ARID1B: variants seen among roughly 807,000 people sequenced by gnomAD.
ARID1B encodes AT-rich interaction domain 1B.
Under a neutral mutation model 212.3 loss-of-function variants are expected in ARID1B, and 30 were observed. That is an observed-to-expected ratio of 0.14 (90% CI 0.11 to 0.19). ARID1B has a LOEUF of 0.19. ARID1B is among the 10% of genes least tolerant of loss of function. ARID1B has a pLI of 1.00. For synonymous variants in ARID1B, 1,402 were observed against 1,301.7 expected (o/e 1.08, Z -1.66); for missense variants, 2,891 against 3,204.0 (o/e 0.90, Z 2.36).
chr6:157,081,993 G>A (rs930535698), intron 4 of ARID1B, among the ~76,000 whole-genome samples: 4 of 151,864 alleles, frequency 2.6e-5, no homozygotes, highest in Admixed American at 6.6e-5. Context: ...TCTGACTGCC[G>A]CTTGTTTATT....
chr6:157,045,877 T>G (rs1782203777), intron 4 of ARID1B, among the ~76,000 whole-genome samples: 1 of 152,130 alleles, frequency 6.6e-6, no homozygotes, highest in Non-Finnish European at 1.5e-5. Flanking sequence ...AAAAATTTAC[T>G]GTTTCCGCTA....
chr6:157,063,719 A>T (rs561977099), intron 4 of ARID1B, among the ~76,000 whole-genome samples: 2 of 152,312 alleles, frequency 1.3e-5, no homozygotes, highest in South Asian at 4.1e-4. Context: ...CAGTGGGTAA[A>T]CCTGACAATC....
At chr6:157,005,924 G>C (rs980081721) in intron 4 of ARID1B, among the ~76,000 whole-genome samples, 1 of 152,108 alleles carries the variant, frequency 6.6e-6, no homozygotes, top group African/African-American at 2.4e-5. Context: ...CTTTGGAAAT[G>C]TATGCCATAG....
In ARID1B at chr6:156,982,312, C is replaced by A. The variant is rs117654067; in HGVS notation, c.2247+46736C>A. 6.3e-3 allele frequency among the ~76,000 whole-genome samples: 964 copies of A among 152,130 alleles called. 3 individuals are homozygous for A. Among genetic ancestry groups the A allele is most frequent in the Non-Finnish European group, 9.8e-3 (668 of 68,002 alleles). On this transcript the variant is annotated intron_variant, in intron 4 of 19. Transcript: ENST00000636930. The stretch of plus-strand genomic sequence containing the variant: ...TACTGCTTTCTGATGTTTCCTGTTG[C>A]TGTGGAGAAATTAGATGCCATTGTG...
chr6:156,876,093 T>G (rs891978079), intron 2 of ARID1B, among the ~76,000 whole-genome samples: 1 of 152,188 alleles, frequency 6.6e-6, no homozygotes, highest in Non-Finnish European at 1.5e-5. Flanking sequence ...AATTTAGAGT[T>G]GTATCTCTGG....
At chr6:157,174,494 T>A (rs1583452024) in intron 10 of ARID1B, among the ~76,000 whole-genome samples, 1 of 151,896 alleles carries the variant, frequency 6.6e-6, no homozygotes, top group East Asian at 1.9e-4. Context: ...ATACTTAATA[T>A]TTTGCTTTCC....
At chr6:156,977,193 A>T in intron 4 of ARID1B, 1 of 188,032 alleles carries the variant, frequency 5.3e-6, no homozygotes, top group Non-Finnish European at 1.1e-5. Flanking sequence ...GTTGTGTTTT[A>T]TTGACTTTCA....
intron 4 of ARID1B, among the ~76,000 whole-genome samples, chr6:156,988,911 A>G (rs964929763): frequency 1.3e-5 from 2 of 152,184 alleles, no homozygotes; most frequent in African/African-American, 4.8e-5. Flanking sequence ...CGTTCTTACA[A>G]TCAGAGAAAT....
chr6:156,863,615 AAC>A (rs1021256424), intron 2 of ARID1B, among the ~76,000 whole-genome samples: 2 of 152,230 alleles, frequency 1.3e-5, no homozygotes, highest in South Asian at 2.1e-4. Flanking sequence ...TCTCCTGTGA[AAC>A]ACAGGAGAGT....
intron 4 of ARID1B, chr6:156,937,027 TGA>T (rs1792292901): frequency 6.6e-6 from 1 of 152,010 alleles, no homozygotes; most frequent in South Asian, 2.1e-4. Context: ...TACTTTTATG[TGA>T]GAGAGGGTGA....
chr6:157,083,460 C>A (rs548945691), intron 4 of ARID1B, among the ~76,000 whole-genome samples: 1 of 152,290 alleles, frequency 6.6e-6, no homozygotes, highest in African/African-American at 2.4e-5. Flanking sequence ...GGGGGCACAC[C>A]AGTGATGCAG....
chr6:156,881,493 C>T (rs2128168997), intron 2 of ARID1B, among the ~76,000 whole-genome samples: 1 of 152,198 alleles, frequency 6.6e-6, no homozygotes, highest in East Asian at 1.9e-4. Flanking sequence ...ACATGTAATA[C>T]CTTTAGGTTC....
At chr6:156,914,154 A>C (rs1042082693) in intron 3 of ARID1B, among the ~76,000 whole-genome samples, 2 of 83,820 alleles carry the variant, frequency 2.4e-5, no homozygotes, top group Admixed American at 2.7e-4. Flanking sequence ...TGCCAGCGCC[A>C]CCCCAGCCTG....
At position 156,983,964 on chromosome 6, in the gene ARID1B, A is replaced by C. The variant is rs144092444; in HGVS notation, c.2247+48388A>C. On this transcript the variant is annotated intron_variant, in intron 4 of 19. Transcript: ENST00000636930. ...ATTCCTGTGTTTGCTTTCCATCTAC[A>C]TATATTGTTAGCACTATTGTTTCCG... Among the ~76,000 whole-genome samples the C allele has an allele frequency of 4.6e-5, 7 of 152,180 alleles. No homozygotes were observed. In the East Asian group the frequency reaches 9.6e-4, roughly 21 times the overall value.
intron 4 of ARID1B, among the ~76,000 whole-genome samples, chr6:157,060,461 T>C (rs933750216): frequency 6.6e-6 from 1 of 152,158 alleles, no homozygotes; most frequent in Non-Finnish European, 1.5e-5. Context: ...TCTAGTGCCA[T>C]AGAAGAATAA....
chr6:156,896,524 C>T (rs1045816544), intron 2 of ARID1B, among the ~76,000 whole-genome samples: 5 of 134,278 alleles, frequency 3.7e-5, no homozygotes, highest in African/African-American at 5.8e-5. Flanking sequence ...TACAGTGAGC[C>T]GAGACCACAC....
At chr6:156,976,473 G>C (rs1209294186) in intron 4 of ARID1B, 1 of 170,478 alleles carries the variant, frequency 5.9e-6, no homozygotes, top group Admixed American at 6.4e-5. Flanking sequence ...GGTGACTCAG[G>C]ATTTTGAGTT....
chr6:157,177,925 G>A (rs935295177), intron 11 of ARID1B, among the ~76,000 whole-genome samples: 1 of 152,204 alleles, frequency 6.6e-6, no homozygotes, highest in African/African-American at 2.4e-5. Context: ...TCCAAAGCCA[G>A]CGTCTATGAA....
intron 4 of ARID1B, among the ~76,000 whole-genome samples, chr6:156,961,521 GGACA>G (rs1343685532): frequency 6.6e-5 from 10 of 152,300 alleles, no homozygotes; most frequent in African/African-American, 2.4e-4. Flanking sequence ...TGCGCGGGCA[GGACA>G]GTCAGGTGAG....
Sources: gnomAD v4.1 joint callset for allele counts (sites outside exome capture counted in the v4.1 genomes callset) on GRCh38, gnomAD v4.1.1 for gene constraint, MANE v1.5 for transcripts, NCBI Gene and HGNC (gene_info 2026-07-23, HGNC 2026-07-21) for gene names.